The following SYNPR variants were observed in gnomAD, a reference collection of about 807,000 sequenced individuals.
SYNPR encodes synaptoporin.
In SYNPR, 23 loss-of-function variants were observed where a neutral mutation model predicts 32.9. The ratio of observed to expected loss-of-function variants is 0.70; its 90% CI spans 0.50 to 0.99. The LOEUF is 0.99. Ranked by LOEUF, SYNPR falls within the 50% of genes least tolerant of loss-of-function variation. SYNPR has a pLI of 0.00. For missense variants in SYNPR, 318 were observed against 349.3 expected (o/e 0.91, Z 0.71); for synonymous variants, 146 against 135.9 (o/e 1.07, Z -0.52).
At chr3:63,299,898 T>C (rs1483609291) in intron 2 of SYNPR, among the ~76,000 whole-genome samples, 2 of 152,128 alleles carry the variant, frequency 1.3e-5, no homozygotes, top group African/African-American at 4.8e-5. Flanking sequence ...GACAGTCATT[T>C]GTATGTTGGG....
intron 2 of SYNPR, among the ~76,000 whole-genome samples, chr3:63,319,918 G>C (rs947492291): frequency 6.6e-6 from 1 of 151,948 alleles, no homozygotes; most frequent in Non-Finnish European, 1.5e-5. Flanking sequence ...TTATAAATGA[G>C]GCTATAGTGA....
chr3:63,596,239 C>T (rs535924141), intron 4 of SYNPR, among the ~76,000 whole-genome samples: 1 of 150,480 alleles, frequency 6.6e-6, no homozygotes, highest in Admixed American at 6.7e-5. Context: ...TCCTCACTCT[C>T]CTCATCCTCA....
intron 2 of SYNPR, among the ~76,000 whole-genome samples, chr3:63,384,839 C>T (rs1190466894): frequency 6.6e-6 from 1 of 152,148 alleles, no homozygotes; most frequent in African/African-American, 2.4e-5. Flanking sequence ...AGAGATGTTA[C>T]ATAACTTGTC....
At chr3:63,255,149 G>T (rs2086371243) in intron 2 of SYNPR, among the ~76,000 whole-genome samples, 1 of 152,136 alleles carries the variant, frequency 6.6e-6, no homozygotes, top group East Asian at 1.9e-4. Flanking sequence ...CATCTCTCCA[G>T]ACATTACCAA....
At chr3:63,573,656 T>C (rs1159796844) in intron 4 of SYNPR, among the ~76,000 whole-genome samples, 1 of 152,166 alleles carries the variant, frequency 6.6e-6, no homozygotes, top group Non-Finnish European at 1.5e-5. Context: ...CACTGAACCC[T>C]TCATTATTTC....
At chr3:63,483,797 T>C (rs1701092612) in intron 3 of SYNPR, among the ~76,000 whole-genome samples, 1 of 152,164 alleles carries the variant, frequency 6.6e-6, no homozygotes, top group South Asian at 2.1e-4. Flanking sequence ...AACTCAGCAA[T>C]TTGAAGTAGG....
intron 3 of SYNPR, among the ~76,000 whole-genome samples, chr3:63,553,133 G>T (rs527244810): frequency 6.6e-6 from 1 of 152,196 alleles, no homozygotes; most frequent in South Asian, 2.1e-4. Flanking sequence ...TTGTTCCCAT[G>T]TTTACGTCTG....
At chr3:63,234,165 G>A (rs1288376828) in intron 1 of SYNPR, among the ~76,000 whole-genome samples, 2 of 152,160 alleles carry the variant, frequency 1.3e-5, no homozygotes, top group East Asian at 3.9e-4. Flanking sequence ...GGAGGAGCAA[G>A]TCACGTCTTA....
rs1431390246 is a variant in SYNPR, at chr3:63,350,559, GC to G, written c.84+71818del. ...GCGTGCATATGCACACATGCACTTT[GC>G]AGTGAAGAGAAGAGACACTGCACTA... On this transcript the variant is annotated intron_variant, in intron 2 of 5. Coordinates refer to ENST00000478300, the MANE Select transcript of SYNPR (RefSeq NM_001130003.2). 1.3e-5 allele frequency among the ~76,000 whole-genome samples: 2 copies of G among 152,234 alleles called. 1 individual carries two copies. The highest frequency in any genetic ancestry group is 4.8e-5 in the African/African-American group (2 of 41,470).
intron 2 of SYNPR, among the ~76,000 whole-genome samples, chr3:63,438,359 A>C (rs1700119411): frequency 6.6e-6 from 1 of 152,086 alleles, no homozygotes; most frequent in Admixed American, 6.6e-5. Flanking sequence ...TTTTAATAAA[A>C]TTATGTTTTA....
intron 2 of SYNPR, among the ~76,000 whole-genome samples, chr3:63,298,954 A>C (rs1486885251): frequency 6.6e-6 from 1 of 152,192 alleles, no homozygotes; most frequent in African/African-American, 2.4e-5. Context: ...ACCTCCAACA[A>C]AACTTGTTAA....
At chr3:63,300,179 G>A (rs2106940341) in intron 2 of SYNPR, among the ~76,000 whole-genome samples, 1 of 152,206 alleles carries the variant, frequency 6.6e-6, no homozygotes, top group East Asian at 1.9e-4. Context: ...AGATAGGGAA[G>A]GAGGGAAGGA....
At chr3:63,597,372 A>T (rs757003370) in intron 4 of SYNPR, among the ~76,000 whole-genome samples, 1 of 152,220 alleles carries the variant, frequency 6.6e-6, no homozygotes, top group Non-Finnish European at 1.5e-5. Flanking sequence ...ACAGTGCTGT[A>T]TTCTAGCTAC....
rs3083163 is a variant in SYNPR, at chr3:63,430,361, TACAC to T, written c.85-50439_85-50436del. On this transcript the variant is annotated intron_variant, in intron 2 of 5. Transcript: ENST00000478300. The stretch of plus-strand genomic sequence containing the variant: ...CATTCATTCACTCCTACACTGAGAA[TACAC>T]ACACACACACACACACACACACACA... Among the ~76,000 whole-genome samples, 1,094 of 148,378 alleles carry T rather than the reference TACAC, an allele frequency of 7.4e-3. 8 individuals carry two copies. Among genetic ancestry groups the T allele is most frequent in the African/African-American group, 0.017 (683 of 40,380 alleles).
At chr3:63,560,924 C>T (rs1002803848) in intron 4 of SYNPR, among the ~76,000 whole-genome samples, 4 of 152,152 alleles carry the variant, frequency 2.6e-5, no homozygotes, top group Non-Finnish European at 5.9e-5. Flanking sequence ...AACTACTGAT[C>T]ATTATTTGGG....
At chr3:63,332,003 C>T (rs1007097400) in intron 2 of SYNPR, among the ~76,000 whole-genome samples, 3 of 152,132 alleles carry the variant, frequency 2.0e-5, no homozygotes, top group South Asian at 2.1e-4. Context: ...AAGTTGTCTT[C>T]GACTGGTAGG....
intron 4 of SYNPR, among the ~76,000 whole-genome samples, chr3:63,595,916 TAG>T (rs1216451157): frequency 1.1e-5 from 1 of 94,408 alleles, no homozygotes; most frequent in Non-Finnish European, 2.2e-5. Flanking sequence ...TATATATATA[TAG>T]TTTTATATAT....
intron 2 of SYNPR, among the ~76,000 whole-genome samples, chr3:63,392,600 A>G (rs1405323674): frequency 2.6e-5 from 4 of 152,194 alleles, no homozygotes; most frequent in Non-Finnish European, 4.4e-5. Context: ...CACAGAAAGC[A>G]GTATTGTCAT....
intron 4 of SYNPR, among the ~76,000 whole-genome samples, chr3:63,558,163 C>G (rs540469360): frequency 2.0e-4 from 30 of 152,296 alleles, no homozygotes; most frequent in Non-Finnish European, 1.3e-4. Context: ...AAGGCCCTCA[C>G]CACAAGCCAC....
Sources: gnomAD v4.1 joint callset for allele counts (sites outside exome capture counted in the v4.1 genomes callset) on GRCh38, gnomAD v4.1.1 for gene constraint, MANE v1.5 for transcripts, NCBI Gene and HGNC (gene_info 2026-07-23, HGNC 2026-07-21) for gene names.